The following TRDMT1 variants were observed in gnomAD, a reference collection of about 807,000 sequenced individuals.
The protein encoded by TRDMT1 is tRNA (cytosine(38)-C(5))-methyltransferase.
A neutral mutation model predicts 51.2 loss-of-function variants in TRDMT1; 49 were observed. The observed-to-expected ratio is 0.96, with a 90% CI of 0.76 to 1.21. The LOEUF (loss-of-function observed/expected upper bound fraction) is 1.21. Among genes scored for constraint, TRDMT1 ranks in the 50% most tolerant of loss-of-function variants. TRDMT1 has a pLI of 0.00. For synonymous variants in TRDMT1, 187 were observed against 164.6 expected, an observed-to-expected ratio of 1.14 and a Z score of -1.04; for missense variants, 534 against 462.3, an observed-to-expected ratio of 1.16 and a Z score of -1.42.
chr10:17,193,630 T>C (rs10904901), intron 1 of TRDMT1, among the ~76,000 whole-genome samples: 20,828 of 152,024 alleles, frequency 0.14, 1,508 homozygotes, highest in Admixed American at 0.17. Flanking sequence ...GCAAGGAGAA[T>C]GACAAAATAC....
At chr10:17,150,181 G>A (rs1466854840) in intron 10 of TRDMT1, 2 of 163,568 alleles carry the variant, frequency 1.2e-5, no homozygotes, top group Non-Finnish European at 2.5e-5. Context: ...CCATCCTAAT[G>A]AGTATGAAGT....
intron 4 of TRDMT1, 39 bp from the exon 5 acceptor site, chr10:17,161,587 T>C: frequency 9.5e-7 from 1 of 1,055,100 alleles, no homozygotes; most frequent in Non-Finnish European, 1.3e-6. Flanking sequence ...AAATATCTCA[T>C]TACTAAGAAG....
chr10:17,191,733 G>A (rs141840688), intron 1 of TRDMT1, among the ~76,000 whole-genome samples: 77 of 152,224 alleles, frequency 5.1e-4, no homozygotes, highest in South Asian at 1.2e-3. Context: ...GCACCATTGC[G>A]GGAGGAGGGA....
chr10:17,184,978 C>T (rs1008015427), intron 1 of TRDMT1, among the ~76,000 whole-genome samples: 3 of 152,058 alleles, frequency 2.0e-5, no homozygotes, highest in Non-Finnish European at 4.4e-5. Context: ...CATTTAAATC[C>T]TAGCTTGGCT....
rs1392122945 is a variant in TRDMT1 at position 17,139,358 on chromosome 10, G to C, written c.*9682C>G. 6.6e-6 allele frequency among the ~76,000 whole-genome samples: 1 copy of C among 152,150 alleles called. No individual in the cohort carries two copies. The highest frequency in any genetic ancestry group is 6.6e-5 in the Admixed American group (1 of 15,264). On this transcript the variant is annotated 3_prime_UTR_variant, in exon 11 of 11. Transcript: ENST00000377799. The stretch of plus-strand genomic sequence containing the variant: ...ATGAATGACAGAAGAAATGTAGGTG[G>C]TAAATAACTGCAAACAACTTATATT...
chr10:17,144,402 C>A lies in TRDMT1; in HGVS notation c.*4638G>T, dbSNP rs143178327. Reference sequence around the variant, plus strand: ...CCCTAGGCTTATTCAGAAAAGAGTTCTATGGGAGAACTCAGTTCCTATCTT... The same window carrying A: ...CCCTAGGCTTATTCAGAAAAGAGTTATATGGGAGAACTCAGTTCCTATCTT... On this transcript the variant is annotated 3_prime_UTR_variant, in exon 11 of 11. Coordinates refer to ENST00000377799, the MANE Select transcript of TRDMT1 (RefSeq NM_004412.7). The A allele has an allele frequency of 1.9e-3, 1,873 of 985,408 alleles. 38 individuals carry two copies. The African/African-American group carries it at 0.029, about 15-fold the overall frequency. The allele number at this position is 985,408 out of a possible 1,614,324, so 61.0% of individuals were successfully genotyped here.
At chr10:17,191,557 T>C (rs1163619304) in intron 1 of TRDMT1, among the ~76,000 whole-genome samples, 1 of 152,114 alleles carries the variant, frequency 6.6e-6, no homozygotes, top group Non-Finnish European at 1.5e-5. Flanking sequence ...CCAACTGCTC[T>C]GGCAATGAGG....
intron 10 of TRDMT1, chr10:17,151,984 A>T: frequency 7.8e-7 from 1 of 1,289,672 alleles, no homozygotes; most frequent in Non-Finnish European, 1.0e-6. Flanking sequence ...GTTCAGTATT[A>T]CCAAAGTGAC....
chr10:17,189,959 G>T (rs1564339519), intron 1 of TRDMT1, among the ~76,000 whole-genome samples: 1 of 152,096 alleles, frequency 6.6e-6, no homozygotes, highest in South Asian at 2.1e-4. Context: ...GGATGCACAA[G>T]AACTATTTAA....
In TRDMT1 at chr10:17,201,626, G is replaced by A. The variant is rs966049353; in HGVS notation, c.9C>T (p.Pro3=). 2 of 1,544,718 alleles carry A rather than the reference G, an allele frequency of 1.3e-6. No homozygotes were observed. The highest frequency in any genetic ancestry group is 1.4e-5 in the African/African-American group (1 of 72,816). ME[P]LRVLELYSGV... is the part of the protein sequence containing the mutation. ...CGCTGTATAGCTCCAGCACCCGCAG[G>A]GGCTCCATCCCCGCGCCTCAGCCGC... The change falls in exon 1 of 11, where the codon CCC becomes CCT. Residue 3 remains proline, a synonymous_variant. Coordinates refer to ENST00000377799, the MANE Select transcript of TRDMT1 (RefSeq NM_004412.7).
chr10:17,178,864 C>T (rs1342004769), intron 1 of TRDMT1, among the ~76,000 whole-genome samples: 1 of 152,044 alleles, frequency 6.6e-6, no homozygotes, highest in Non-Finnish European at 1.5e-5. Context: ...ATTATTGTTA[C>T]TAACACCAGA....
chr10:17,151,426 T>G, intron 10 of TRDMT1: 1 of 975,748 alleles, frequency 1.0e-6, no homozygotes, highest in Non-Finnish European at 1.2e-6. Flanking sequence ...GACAGAGGGT[T>G]TGGAAGGATC....
At chr10:17,177,772 T>G (rs1842794347) in intron 1 of TRDMT1, among the ~76,000 whole-genome samples, 1 of 149,894 alleles carries the variant, frequency 6.7e-6, no homozygotes, top group Non-Finnish European at 1.5e-5. Context: ...ATACTTTCCT[T>G]TCTTTTTCTG....
Position 17,146,991 on chromosome 10 carries a change from T to C in TRDMT1, c.*2049A>G. ...CATTCCCATAATTTAAGAATTCCAC[T>C]AAGCTACATTCTGTCTACCAGTTTG... On this transcript the variant is annotated 3_prime_UTR_variant, in exon 11 of 11. Transcript: ENST00000377799. The C allele has an allele frequency of 1.0e-6, 1 of 985,546 alleles. No individual in the cohort carries two copies. 61.1% of individuals were successfully genotyped at this position (985,546 alleles called of 1,614,324 possible).
At chr10:17,187,670 A>G (rs1056505766) in intron 1 of TRDMT1, among the ~76,000 whole-genome samples, 2 of 152,206 alleles carry the variant, frequency 1.3e-5, no homozygotes, top group Admixed American at 6.5e-5. Flanking sequence ...ATAGGCAGTA[A>G]TAAGTGTTAA....
At chr10:17,165,016 C>A (rs56077122) in intron 3 of TRDMT1, among the ~76,000 whole-genome samples, 49,611 of 151,964 alleles carry the variant, frequency 0.33, 8,504 homozygotes, top group African/African-American at 0.41. Context: ...TTGGAAAAAA[C>A]CAATTTAAAG....
Position 17,148,022 on chromosome 10 carries a change from A to G in TRDMT1, c.*1018T>C, listed in dbSNP as rs943349549. 62 of 985,066 alleles carry G rather than the reference A, an allele frequency of 6.3e-5. No homozygotes were observed. Among genetic ancestry groups the G allele is most frequent in the Non-Finnish European group, 7.1e-5 (59 of 829,612 alleles). The allele number at this position is 985,066 out of a possible 1,614,324, so 61.0% of individuals were successfully genotyped here. A position where few individuals can be genotyped will look rare whatever the true frequency, so the allele number is the denominator to read the frequency against. ...TAAAATCTTGTAATATGATTTCTGG[A>G]CTTGTTTCTTTTCATCTCTCTTCTC... is the stretch of plus-strand genomic sequence containing the variant. On this transcript the variant is annotated 3_prime_UTR_variant, in exon 11 of 11. Transcript: ENST00000377799.
At position 17,147,541 on chromosome 10, in the gene TRDMT1, A is replaced by C. The variant is rs535206484; in HGVS notation, c.*1499T>G. 1 of 182,988 alleles carries C rather than the reference A, an allele frequency of 5.5e-6. No homozygotes were observed. The highest frequency in any genetic ancestry group is 2.4e-5 in the African/African-American group (1 of 42,172). The allele number at this position is 182,988 out of a possible 1,614,324, so 11.3% of individuals were successfully genotyped here. A position where few individuals can be genotyped will look rare whatever the true frequency, so the allele number is the denominator to read the frequency against. On this transcript the variant is annotated 3_prime_UTR_variant, in exon 11 of 11. Transcript: ENST00000377799. ...CACCCCAATCAGAAACTTTGTATCC[A>C]TTATGCACTAACTACCCATTCTCCA...
chr10:17,183,280 C>T (rs1351078771), intron 1 of TRDMT1, among the ~76,000 whole-genome samples: 2 of 151,924 alleles, frequency 1.3e-5, no homozygotes, highest in Non-Finnish European at 2.9e-5. Context: ...TATGTGTGCA[C>T]CTTAAGACAG....
Sources: gnomAD v4.1 joint callset for allele counts (sites outside exome capture counted in the v4.1 genomes callset) on GRCh38, gnomAD v4.1.1 for gene constraint, MANE v1.5 for transcripts, NCBI Gene and HGNC (gene_info 2026-07-23, HGNC 2026-07-21) for gene names.